Variants in COL11A1 observed in about 807,000 individuals in gnomAD.
The protein encoded by COL11A1 is collagen type XI alpha 1 chain.
COL11A1 carries 74 observed loss-of-function variants against 265.2 expected under a neutral mutation model. The observed-to-expected ratio is 0.28, with a 90% CI of 0.23 to 0.34. The LOEUF is 0.34. Ranked by LOEUF, COL11A1 falls within the 10% of genes least tolerant of loss-of-function variation. The probability of loss-of-function intolerance (pLI) is 1.00; values close to 1 mark genes in which losing one functional copy is unlikely to be tolerated. For missense variants in COL11A1, 2,165 were observed against 2,263.6 expected, an observed-to-expected ratio of 0.96 and a Z score of 0.88; for synonymous variants, 816 against 727.6, an observed-to-expected ratio of 1.12 and a Z score of -1.96.
intron 28 of COL11A1, among the ~76,000 whole-genome samples, chr1:102,989,956 C>T (rs898701900): frequency 9.2e-5 from 14 of 152,116 alleles, no homozygotes; most frequent in African/African-American, 2.4e-4. Context: ...TAGGCGGAGG[C>T]GGGCAGATTA....
chr1:102,923,452 C>T lies in COL11A1; in HGVS notation c.3601-63G>A, dbSNP rs1439945741. On this transcript the variant is annotated intron_variant, in intron 46 of 66. Transcript: ENST00000370096. ...ATGTCTTTAAAAAAAAAAGTTTGGT[C>T]AATTTCTAAGATAAAATCAAGTATA... The T allele has an allele frequency of 4.8e-6, 6 of 1,261,910 alleles. No individual in the cohort carries two copies. In the African/African-American group the frequency reaches 7.5e-5, roughly 16 times the overall value. 78.2% of individuals were successfully genotyped at this position (1,261,910 alleles called of 1,614,324 possible).
chr1:102,905,061 A>G (rs986122779), intron 54 of COL11A1, among the ~76,000 whole-genome samples: 4 of 151,942 alleles, frequency 2.6e-5, no homozygotes, highest in Admixed American at 6.6e-5. Context: ...TGATGAGTTC[A>G]TGTCCTTTGT....
At chr1:102,967,138 C>T (rs1661475741) in intron 37 of COL11A1, among the ~76,000 whole-genome samples, 1 of 151,070 alleles carries the variant, frequency 6.6e-6, no homozygotes, top group South Asian at 2.1e-4. Flanking sequence ...TCATCTCTTT[C>T]CTTCACCATT....
At chr1:102,887,956 C>A (rs1651215545) in intron 62 of COL11A1, among the ~76,000 whole-genome samples, 1 of 152,104 alleles carries the variant, frequency 6.6e-6, no homozygotes, top group East Asian at 1.9e-4. Flanking sequence ...TGTTCTAGGA[C>A]TTCTAGCCTC....
chr1:102,895,440 T>C (rs1652297930), intron 57 of COL11A1, among the ~76,000 whole-genome samples: 1 of 151,984 alleles, frequency 6.6e-6, no homozygotes, highest in African/African-American at 2.4e-5. Flanking sequence ...GTAGAAACAA[T>C]ACAGTAGGTA....
At position 102,946,611 on chromosome 1, in the gene COL11A1, A is replaced by C. The variant is rs76926820; in HGVS notation, c.3276+238T>G. On this transcript the variant is annotated intron_variant, in intron 42 of 66. Transcript: ENST00000370096. Reference sequence around the variant, plus strand: ...AAAAGCAAAATGAAAAGCCTTTTACATTAATAATATCCAACTCCCTCACAG... The same window carrying C: ...AAAAGCAAAATGAAAAGCCTTTTACCTTAATAATATCCAACTCCCTCACAG... Among the ~76,000 whole-genome samples the C allele has an allele frequency of 0.043, 6,509 of 152,140 alleles. 512 individuals carry two copies. Among genetic ancestry groups the C allele is most frequent in the African/African-American group, 0.15 (6,189 of 41,440 alleles).
At chr1:102,967,166 G>A (rs1661478208) in intron 37 of COL11A1, among the ~76,000 whole-genome samples, 1 of 143,302 alleles carries the variant, frequency 7.0e-6, no homozygotes, top group African/African-American at 2.6e-5. Context: ...TTTCAAATAA[G>A]GTTTACTAAC....
chr1:102,892,414 A>C (rs748802766), intron 57 of COL11A1, among the ~76,000 whole-genome samples: 3 of 152,180 alleles, frequency 2.0e-5, no homozygotes, highest in Non-Finnish European at 4.4e-5. Context: ...TAAAGCCTTA[A>C]GAACTATGGA....
chr1:102,907,356 A>T (rs1455818052), intron 54 of COL11A1, among the ~76,000 whole-genome samples: 2 of 152,066 alleles, frequency 1.3e-5, no homozygotes, highest in East Asian at 3.9e-4. Context: ...AACTCAACTA[A>T]TGTACTATCT....
Position 102,946,909 on chromosome 1 carries a change from A to G in COL11A1, c.3216T>C (p.Gly1072=). ...RGSAGTAGPI[G]LPGRPGPQGP... ...CCTGAGGTCCCGGGCGCCCTGGTAAACCAATTGGGCCAGCTGTACCTGCTG... is the reference window on the plus strand; with the variant it reads ...CCTGAGGTCCCGGGCGCCCTGGTAAGCCAATTGGGCCAGCTGTACCTGCTG... Residue 1072 remains glycine (G), a synonymous_variant, in exon 42 of 67, where the codon GGT becomes GGC. Coordinates refer to ENST00000370096, the MANE Select transcript of COL11A1 (RefSeq NM_001854.4). 4.3e-6 allele frequency: 7 copies of G among 1,613,486 alleles called. No homozygotes were observed. The highest frequency in any genetic ancestry group is 5.9e-6 in the Non-Finnish European group (7 of 1,179,846).
At chr1:103,065,850 C>T (rs556139092) in intron 4 of COL11A1, among the ~76,000 whole-genome samples, 2 of 151,984 alleles carry the variant, frequency 1.3e-5, no homozygotes, top group African/African-American at 4.8e-5. Context: ...TTATGACAAT[C>T]TACTGAAGTC....
At chr1:102,878,262 G>T in intron 66 of COL11A1, 97 bp from the exon 67 acceptor site, 1 of 1,084,358 alleles carries the variant, frequency 9.2e-7, no homozygotes, top group Non-Finnish European at 1.3e-6. Flanking sequence ...GTAAGAAGCT[G>T]AGAGAGAAGA....
intron 36 of COL11A1, among the ~76,000 whole-genome samples, chr1:102,973,006 A>AT (rs1023593945): frequency 2.0e-5 from 3 of 152,006 alleles, no homozygotes; most frequent in Admixed American, 1.3e-4. Flanking sequence ...TATATATAAA[A>AT]TTTTTTCCTG....
intron 1 of COL11A1, among the ~76,000 whole-genome samples, chr1:103,090,262 G>A (rs911515695): frequency 3.3e-5 from 5 of 151,994 alleles, no homozygotes; most frequent in African/African-American, 7.2e-5. Context: ...CAGACTATAT[G>A]TGAGGCATAC....
intron 24 of COL11A1, chr1:103,001,445 T>A: frequency 4.9e-6 from 2 of 409,932 alleles, no homozygotes; most frequent in Admixed American, 4.0e-5. Flanking sequence ...ATGTGTTTAA[T>A]TATAGATTTA....
intron 54 of COL11A1, among the ~76,000 whole-genome samples, chr1:102,900,547 G>T (rs1653054285): frequency 6.6e-6 from 1 of 151,948 alleles, no homozygotes; most frequent in Admixed American, 6.6e-5. Flanking sequence ...ATGATATGTG[G>T]GCTTAACCTG....
intron 4 of COL11A1, among the ~76,000 whole-genome samples, chr1:103,049,723 TG>T: frequency 6.6e-6 from 1 of 152,356 alleles, no homozygotes; most frequent in Middle Eastern, 3.4e-3. Context: ...GGCATGTTTT[TG>T]CAGTGGCTGA....
intron 5 of COL11A1, among the ~76,000 whole-genome samples, chr1:103,026,853 G>T (rs1228198600): frequency 1.3e-5 from 2 of 151,636 alleles, no homozygotes; most frequent in Admixed American, 1.3e-4. Flanking sequence ...GGAATACAAA[G>T]AATATGAAAT....
intron 38 of COL11A1, among the ~76,000 whole-genome samples, chr1:102,963,713 A>G (rs1176628499): frequency 6.6e-6 from 1 of 152,100 alleles, no homozygotes; most frequent in Non-Finnish European, 1.5e-5. Flanking sequence ...CTAGGTTTAA[A>G]TTTCTTTAAT....
Sources: gnomAD v4.1 joint callset for allele counts (sites outside exome capture counted in the v4.1 genomes callset) on GRCh38, gnomAD v4.1.1 for gene constraint, MANE v1.5 for transcripts, NCBI Gene and HGNC (gene_info 2026-07-23, HGNC 2026-07-21) for gene names.